FBXL7: variants seen among roughly 807,000 people sequenced by gnomAD.
The protein encoded by FBXL7 is F-box/LRR-repeat protein 7.
A neutral mutation model predicts 38.3 loss-of-function variants in FBXL7; 12 were observed. The observed-to-expected ratio is 0.31, with a 90% CI of 0.20 to 0.51. FBXL7 has a LOEUF of 0.51. Ranked by LOEUF, FBXL7 falls within the 20% of genes least tolerant of loss-of-function variation. The pLI is 0.98. For missense variants in FBXL7, 567 were observed against 676.4 expected, an observed-to-expected ratio of 0.84 and a Z score of 1.79; for synonymous variants, 297 against 300.9, an observed-to-expected ratio of 0.99 and a Z score of 0.13.
chr5:15,647,126 A>G (rs1741556416), intron 2 of FBXL7, among the ~76,000 whole-genome samples: 1 of 152,252 alleles, frequency 6.6e-6, no homozygotes, highest in Non-Finnish European at 1.5e-5. Flanking sequence ...AAATAATTCC[A>G]ATGTATCTGT....
intron 2 of FBXL7, among the ~76,000 whole-genome samples, chr5:15,688,928 A>G (rs1295974220): frequency 6.6e-6 from 1 of 152,142 alleles, no homozygotes; most frequent in Non-Finnish European, 1.5e-5. Flanking sequence ...GAGAGGAGGA[A>G]CCCTCTAGAA....
intron 2 of FBXL7, among the ~76,000 whole-genome samples, chr5:15,667,426 C>T (rs892358113): frequency 1.3e-5 from 2 of 152,140 alleles, no homozygotes; most frequent in African/African-American, 4.8e-5. Context: ...TTGGAAAAGA[C>T]TTGAATGTCT....
At chr5:15,788,352 G>A (rs917566623) in intron 2 of FBXL7, among the ~76,000 whole-genome samples, 1 of 152,136 alleles carries the variant, frequency 6.6e-6, no homozygotes, top group Non-Finnish European at 1.5e-5. Flanking sequence ...ACATAAAATT[G>A]TAACCTCTCA....
intron 1 of FBXL7, among the ~76,000 whole-genome samples, chr5:15,530,183 C>A (rs1188709576): frequency 6.6e-6 from 1 of 152,158 alleles, no homozygotes; most frequent in African/African-American, 2.4e-5. Context: ...TACCTCCTTA[C>A]TTTACATTAA....
At chr5:15,703,108 T>G (rs1302816002) in intron 2 of FBXL7, among the ~76,000 whole-genome samples, 2 of 152,190 alleles carry the variant, frequency 1.3e-5, no homozygotes, top group East Asian at 3.9e-4. Context: ...TATGTGCAGG[T>G]CACAGGGGAT....
intron 2 of FBXL7, among the ~76,000 whole-genome samples, chr5:15,922,158 T>G (rs1278687372): frequency 6.6e-6 from 1 of 150,938 alleles, no homozygotes. Flanking sequence ...TATACATATA[T>G]CATATATGTT....
chr5:15,936,394 G>C lies in FBXL7; in HGVS notation c.740-56G>C, dbSNP rs1274182360. The stretch of plus-strand genomic sequence containing the variant: ...CAGGAATGCCCCAGGGCATCCCCAG[G>C]CGTGGCTCCCCTGCTGGCAGGTTGC... On this transcript the variant is annotated intron_variant, in intron 3 of 3. Transcript: ENST00000504595. The surrounding 1 kb of genome is among the most constrained non-coding windows in gnomAD (Gnocchi z 6.0). 1.8e-5 allele frequency: 28 copies of C among 1,567,176 alleles called. No individual in the cohort carries two copies. In the East Asian group the frequency reaches 5.4e-4, roughly 30 times the overall value.
At chr5:15,645,578 A>G (rs1161877015) in intron 2 of FBXL7, among the ~76,000 whole-genome samples, 1 of 152,198 alleles carries the variant, frequency 6.6e-6, no homozygotes, top group Non-Finnish European at 1.5e-5. Context: ...CCGTGGGCAC[A>G]TGTCATCAGG....
In FBXL7 at chr5:15,865,363, C is replaced by T. The variant is rs756773706; in HGVS notation, c.128-62527C>T. Among the ~76,000 whole-genome samples, 58 of 152,170 alleles carry T rather than the reference C, an allele frequency of 3.8e-4. 1 individual carries two copies. Among genetic ancestry groups the T allele is most frequent in the Non-Finnish European group, 7.9e-4 (54 of 68,028 alleles). On this transcript the variant is annotated intron_variant, in intron 2 of 3. Transcript: ENST00000504595. ...AGATCCTGGTCCCACAGGGAGAAAA[C>T]AGCTTAAAAGCAAATTGGAGCTTAC...
At chr5:15,817,895 A>G (rs1353437139) in intron 2 of FBXL7, among the ~76,000 whole-genome samples, 1 of 152,148 alleles carries the variant, frequency 6.6e-6, no homozygotes, top group African/African-American at 2.4e-5. Flanking sequence ...TGTCTCCATG[A>G]TCCAGCCTCA....
chr5:15,748,874 T>C (rs1736081841), intron 2 of FBXL7, among the ~76,000 whole-genome samples: 1 of 152,110 alleles, frequency 6.6e-6, no homozygotes, highest in Non-Finnish European at 1.5e-5. Context: ...GGCTAATTTT[T>C]TTCTCAAACT....
At chr5:15,841,678 G>C (rs909524090) in intron 2 of FBXL7, among the ~76,000 whole-genome samples, 2 of 152,122 alleles carry the variant, frequency 1.3e-5, no homozygotes, top group African/African-American at 2.4e-5. Flanking sequence ...CCTGGGCCAG[G>C]TCCAGGGACC....
chr5:15,559,771 G>T (rs931145970), intron 1 of FBXL7, among the ~76,000 whole-genome samples: 39 of 152,344 alleles, frequency 2.6e-4, no homozygotes, highest in African/African-American at 9.1e-4. Flanking sequence ...GCAATAAAAC[G>T]CCTGGAGGCA....
chr5:15,857,378 T>C (rs893435716), intron 2 of FBXL7, among the ~76,000 whole-genome samples: 2 of 152,196 alleles, frequency 1.3e-5, no homozygotes, highest in African/African-American at 2.4e-5. Context: ...ATCCCCAGAT[T>C]GCAGATAAGG....
chr5:15,555,784 GAGATAGATAGATAGAT>G (rs70938016), intron 1 of FBXL7, among the ~76,000 whole-genome samples: 1 of 139,692 alleles, frequency 7.2e-6, no homozygotes, highest in Non-Finnish European at 1.6e-5. Context: ...AAGGGTAGAT[GAGATAGATAGATAGAT>G]AGATAGATAG....
At chr5:15,533,364 G>A (rs1737482124) in intron 1 of FBXL7, among the ~76,000 whole-genome samples, 1 of 152,172 alleles carries the variant, frequency 6.6e-6, no homozygotes, top group South Asian at 2.1e-4. Flanking sequence ...CATTTTTGTG[G>A]TAGGATAAAG....
intron 2 of FBXL7, among the ~76,000 whole-genome samples, chr5:15,768,748 C>G (rs1290029223): frequency 2.6e-5 from 4 of 152,098 alleles, no homozygotes; most frequent in Non-Finnish European, 5.9e-5. Flanking sequence ...CTGGTCCAGC[C>G]AGGGCTCCAC....
chr5:15,527,535 CCTTTTA>C (rs1441943967), intron 1 of FBXL7, among the ~76,000 whole-genome samples: 1 of 152,132 alleles, frequency 6.6e-6, no homozygotes, highest in Admixed American at 6.5e-5. Context: ...CAGAATTTTT[CCTTTTA>C]CTTTAAAGAG....
At chr5:15,647,251 T>G in intron 2 of FBXL7, among the ~76,000 whole-genome samples, 1 of 152,222 alleles carries the variant, frequency 6.6e-6, no homozygotes, top group East Asian at 1.9e-4. Context: ...TTAAATCGGA[T>G]AAGCCTAATA....
Sources: gnomAD v4.1 joint callset for allele counts (sites outside exome capture counted in the v4.1 genomes callset) on GRCh38, gnomAD v4.1.1 for gene constraint, Gnocchi (gnomAD v3.1) non-coding constraint, MANE v1.5 for transcripts, NCBI Gene and HGNC (gene_info 2026-07-23, HGNC 2026-07-21) for gene names.